The following L3MBTL4 variants were observed in gnomAD, a reference collection of about 807,000 sequenced individuals.
The protein encoded by L3MBTL4 is lethal(3)malignant brain tumor-like protein 4.
A neutral mutation model predicts 84.5 loss-of-function variants in L3MBTL4; 70 were observed. The observed-to-expected ratio is 0.83, with a 90% confidence interval of 0.68 to 1.01. The LOEUF (loss-of-function observed/expected upper bound fraction) is 1.01. Ranked by LOEUF, L3MBTL4 falls within the 50% of genes least tolerant of loss-of-function variation. L3MBTL4 has a pLI of 0.00. For synonymous variants in L3MBTL4, 274 were observed against 259.8 expected (o/e 1.05, Z -0.52); for missense variants, 715 against 754.8 (o/e 0.95, Z 0.62).
intron 1 of L3MBTL4, chr18:6,367,433 C>G (rs1250402540): frequency 6.6e-6 from 1 of 152,252 alleles, no homozygotes; most frequent in Admixed American, 6.5e-5. Flanking sequence ...GTCTAGGAGG[C>G]CAATGGATTA....
chr18:6,174,910 G>C (rs1448408818), intron 12 of L3MBTL4, among the ~76,000 whole-genome samples: 1 of 146,636 alleles, frequency 6.8e-6, no homozygotes, highest in African/African-American at 2.5e-5. Context: ...ATAATAAATA[G>C]AGCCTGATAA....
chr18:6,215,841 AATAT>A lies in L3MBTL4; in HGVS notation c.785-10_785-7del. On this transcript the variant is annotated splice_polypyrimidine_tract_variant and splice_region_variant and intron_variant, in intron 10 of 18. Transcript: ENST00000317931. ...ATTTTCTGGATTGGGATAACCTGAAAATATATATATATAAATAGCAAAAGATTAC... is the reference window on the plus strand; with the variant it reads ...ATTTTCTGGATTGGGATAACCTGAAAATATATATAAATAGCAAAAGATTAC... The A allele has an allele frequency of 1.4e-6, 2 of 1,464,342 alleles. No homozygotes were observed. Among genetic ancestry groups the A allele is most frequent in the Non-Finnish European group, 1.9e-6 (2 of 1,058,426 alleles). 90.7% of individuals were successfully genotyped at this position (1,464,342 alleles called of 1,614,324 possible).
intron 1 of L3MBTL4, among the ~76,000 whole-genome samples, chr18:6,386,912 T>A (rs934283347): frequency 6.6e-6 from 1 of 152,140 alleles, no homozygotes; most frequent in Non-Finnish European, 1.5e-5. Flanking sequence ...AGGAACCCTA[T>A]GGAAGGCAAG....
intron 5 of L3MBTL4, among the ~76,000 whole-genome samples, chr18:6,262,207 G>T (rs2048435783): frequency 6.6e-6 from 1 of 152,166 alleles, no homozygotes; most frequent in African/African-American, 2.4e-5. Context: ...CCAACCTGCA[G>T]TGGCTCTGTG....
chr18:6,118,607 T>C lies in L3MBTL4; in HGVS notation c.1199+19587A>G, dbSNP rs112473803. On this transcript the variant is annotated intron_variant, in intron 14 of 18. Coordinates refer to ENST00000317931, the MANE Select transcript of L3MBTL4 (RefSeq NM_001330559.2). ...CATAAACCATTTCCAGGTGATATAG[T>C]TTTGTTGAAGACTTAAGTAATTATT... Among the ~76,000 whole-genome samples the C allele has an allele frequency of 6.3e-3, 961 of 152,302 alleles. 8 individuals are homozygous for C. Among genetic ancestry groups the C allele is most frequent in the African/African-American group, 0.022 (908 of 41,566 alleles).
intron 4 of L3MBTL4, among the ~76,000 whole-genome samples, chr18:6,271,594 A>G (rs187867464): frequency 1.5e-3 from 234 of 152,352 alleles, no homozygotes; most frequent in Non-Finnish European, 2.8e-3. Context: ...ATAATCTACG[A>G]TAAGTGTACG....
chr18:6,026,512 C>G (rs898389368), intron 16 of L3MBTL4, among the ~76,000 whole-genome samples: 1 of 152,194 alleles, frequency 6.6e-6, no homozygotes, highest in Non-Finnish European at 1.5e-5. Context: ...TTACGGTGAG[C>G]TAAAGACAGC....
At chr18:6,198,120 C>T (rs1024146523) in intron 12 of L3MBTL4, among the ~76,000 whole-genome samples, 3 of 152,156 alleles carry the variant, frequency 2.0e-5, no homozygotes, top group East Asian at 1.9e-4. Context: ...TATTTTACTG[C>T]TGATGAAAAA....
chr18:6,111,919 T>C (rs1317565115), intron 14 of L3MBTL4, among the ~76,000 whole-genome samples: 1 of 152,204 alleles, frequency 6.6e-6, no homozygotes, highest in Non-Finnish European at 1.5e-5. Flanking sequence ...GTCGACATGT[T>C]GTGCAATATA....
intron 1 of L3MBTL4, chr18:6,397,538 C>A (rs1035092995): frequency 6.6e-6 from 1 of 152,080 alleles, no homozygotes; most frequent in Non-Finnish European, 1.5e-5. Context: ...TCGTAAAAAT[C>A]ATTATAAAAT....
chr18:6,019,428 T>C (rs1420138036), intron 16 of L3MBTL4, among the ~76,000 whole-genome samples: 2 of 152,232 alleles, frequency 1.3e-5, no homozygotes, highest in Non-Finnish European at 2.9e-5. Context: ...AACCCCCTCA[T>C]GTTGACCCAG....
At chr18:6,319,787 T>C (rs2051308630) in intron 1 of L3MBTL4, among the ~76,000 whole-genome samples, 1 of 151,946 alleles carries the variant, frequency 6.6e-6, no homozygotes, top group South Asian at 2.1e-4. Context: ...AGGAAACCAG[T>C]AACACTGATA....
In L3MBTL4 at chr18:6,003,084, TA is replaced by T. The variant is rs1567971022; in HGVS notation, c.1445-33523del. Among the ~76,000 whole-genome samples, 5 of 98,484 alleles carry T rather than the reference TA, an allele frequency of 5.1e-5. 1 individual carries two copies. Among genetic ancestry groups the T allele is most frequent in the African/African-American group, 2.2e-4 (5 of 22,300 alleles). The allele number at this position is 98,484 out of a possible 152,430, so 64.6% of individuals were successfully genotyped here. On this transcript the variant is annotated intron_variant, in intron 16 of 18. Coordinates refer to ENST00000317931, the MANE Select transcript of L3MBTL4 (RefSeq NM_001330559.2). ...TATCTCTATTTATAGAGATACTATA[TA>T]AAATATAGTATCTCTATTTATAGAG...
At chr18:6,279,276 C>G (rs927660360) in intron 4 of L3MBTL4, among the ~76,000 whole-genome samples, 7 of 151,632 alleles carry the variant, frequency 4.6e-5, no homozygotes, top group African/African-American at 1.7e-4. Context: ...CTAGGACAGA[C>G]TGATATGTCA....
intron 3 of L3MBTL4, among the ~76,000 whole-genome samples, chr18:6,305,897 T>C (rs898169906): frequency 1.3e-5 from 2 of 152,200 alleles, no homozygotes; most frequent in African/African-American, 4.8e-5. Flanking sequence ...CAAAACAGGA[T>C]TTTCAGCTAC....
At chr18:6,375,605 C>T (rs932917264) in intron 1 of L3MBTL4, among the ~76,000 whole-genome samples, 6 of 152,260 alleles carry the variant, frequency 3.9e-5, no homozygotes, top group South Asian at 2.1e-4. Flanking sequence ...TTGAGCCCTC[C>T]GAGAGGGCTC....
chr18:6,295,338 CTCTCTCTCTA>C (rs1402681356), intron 4 of L3MBTL4, among the ~76,000 whole-genome samples: 451 of 126,458 alleles, frequency 3.6e-3, no homozygotes, highest in African/African-American at 0.012. Flanking sequence ...CTCTCTCTCT[CTCTCTCTCTA>C]TATATATATA....
intron 14 of L3MBTL4, among the ~76,000 whole-genome samples, chr18:6,112,038 T>A (rs1156526134): frequency 1.3e-5 from 2 of 152,194 alleles, no homozygotes; most frequent in African/African-American, 4.8e-5. Context: ...TTCAGCGTTT[T>A]TAGATCCCAT....
At chr18:5,968,243 C>T (rs890319141) in intron 17 of L3MBTL4, among the ~76,000 whole-genome samples, 1 of 152,232 alleles carries the variant, frequency 6.6e-6, no homozygotes, top group Non-Finnish European at 1.5e-5. Context: ...GGTTTTCCTT[C>T]ACTTAAACAA....
Sources: gnomAD v4.1 joint callset for allele counts (sites outside exome capture counted in the v4.1 genomes callset) on GRCh38, gnomAD v4.1.1 for gene constraint, MANE v1.5 for transcripts, NCBI Gene and HGNC (gene_info 2026-07-23, HGNC 2026-07-21) for gene names.